CADM2: variants seen among roughly 807,000 people sequenced by gnomAD.
CADM2 encodes the protein cell adhesion molecule 2.
CADM2 carries 12 observed loss-of-function variants against 49.8 expected under a neutral mutation model. That is an observed-to-expected ratio of 0.24 (90% CI 0.15 to 0.39). The LOEUF (loss-of-function observed/expected upper bound fraction) is 0.39, where lower values mean the gene tolerates loss of function less well. Ranked by LOEUF, CADM2 falls within the 10% of genes least tolerant of loss-of-function variation. The pLI is 1.00. For missense variants in CADM2, 378 were observed against 492.3 expected, an observed-to-expected ratio of 0.77 and a Z score of 2.20; for synonymous variants, 214 against 175.4, an observed-to-expected ratio of 1.22 and a Z score of -1.74.
intron 1 of CADM2, among the ~76,000 whole-genome samples, chr3:85,286,252 C>T (rs1236555542): frequency 1.3e-5 from 2 of 152,120 alleles, no homozygotes; most frequent in Non-Finnish European, 2.9e-5. Flanking sequence ...TAACTTCTCT[C>T]AGGGACTATC....
chr3:86,002,109 A>G (rs1455527434), intron 8 of CADM2, among the ~76,000 whole-genome samples: 1 of 152,128 alleles, frequency 6.6e-6, no homozygotes, highest in Non-Finnish European at 1.5e-5. Context: ...CACTTCCTTC[A>G]TGATGTCAAA....
At chr3:84,963,062 A>G (rs2030689999) in intron 1 of CADM2, among the ~76,000 whole-genome samples, 1 of 152,156 alleles carries the variant, frequency 6.6e-6, no homozygotes, top group Non-Finnish European at 1.5e-5. Context: ...TGAATAATAG[A>G]TAGGGAATAA....
intron 1 of CADM2, among the ~76,000 whole-genome samples, chr3:85,160,459 C>T (rs901420843): frequency 3.3e-5 from 5 of 152,172 alleles, no homozygotes; most frequent in African/African-American, 1.2e-4. Flanking sequence ...TGCACACACT[C>T]AGTCCCAAAC....
At chr3:85,324,852 C>T (rs1474541256) in intron 1 of CADM2, among the ~76,000 whole-genome samples, 2 of 152,192 alleles carry the variant, frequency 1.3e-5, no homozygotes, top group African/African-American at 4.8e-5. Context: ...CATCAAATCT[C>T]GCCTTTGAAG....
At chr3:85,327,908 T>A (rs923384794) in intron 1 of CADM2, among the ~76,000 whole-genome samples, 1 of 152,124 alleles carries the variant, frequency 6.6e-6, no homozygotes, top group African/African-American at 2.4e-5. Context: ...GCCCTTCTGA[T>A]CCCTCATACT....
chr3:85,024,111 A>G (rs2034621617), intron 1 of CADM2, among the ~76,000 whole-genome samples: 1 of 152,128 alleles, frequency 6.6e-6, no homozygotes, highest in Non-Finnish European at 1.5e-5. Flanking sequence ...ACAGAACTGG[A>G]GTGCTCTATT....
chr3:85,779,617 C>G (rs1389230025), intron 2 of CADM2, among the ~76,000 whole-genome samples: 1 of 152,096 alleles, frequency 6.6e-6, no homozygotes, highest in African/African-American at 2.4e-5. Context: ...ATGGGGGTAA[C>G]CAACCCCATG....
intron 3 of CADM2, among the ~76,000 whole-genome samples, chr3:85,846,494 T>G (rs1414599485): frequency 6.6e-6 from 1 of 152,168 alleles, no homozygotes; most frequent in African/African-American, 2.4e-5. Context: ...GGAGTCAGGT[T>G]ATTCAGAAAA....
chr3:85,944,870 A>G (rs1722446897), intron 7 of CADM2, among the ~76,000 whole-genome samples: 1 of 152,110 alleles, frequency 6.6e-6, no homozygotes, highest in African/African-American at 2.4e-5. Flanking sequence ...TAAAAGAACT[A>G]GAGAAGCAAG....
At chr3:85,970,806 CT>C (rs1273664773) in intron 8 of CADM2, among the ~76,000 whole-genome samples, 1 of 151,418 alleles carries the variant, frequency 6.6e-6, no homozygotes, top group African/African-American at 2.4e-5. Flanking sequence ...CTACTTTAAT[CT>C]TTGATGAAAT....
chr3:85,543,420 ATGTGTGTGTGTGTGTG>A (rs34654299), intron 1 of CADM2, among the ~76,000 whole-genome samples: 2 of 129,584 alleles, frequency 1.5e-5, no homozygotes, highest in Non-Finnish European at 3.3e-5. Context: ...TGCCAAGCTA[ATGTGTGTGTGTGTGTG>A]TGTGTGTGTG....
intron 8 of CADM2, among the ~76,000 whole-genome samples, chr3:86,030,735 A>G (rs761699784): frequency 6.6e-6 from 1 of 151,968 alleles, no homozygotes; most frequent in Non-Finnish European, 1.5e-5. Context: ...CTGTGAATCT[A>G]GCACAAGGTC....
intron 3 of CADM2, among the ~76,000 whole-genome samples, chr3:85,875,697 A>G (rs1711731527): frequency 6.6e-6 from 1 of 152,166 alleles, no homozygotes; most frequent in Non-Finnish European, 1.5e-5. Context: ...AGCTTTGGAG[A>G]AAGCAATAGG....
intron 1 of CADM2, among the ~76,000 whole-genome samples, chr3:85,474,627 C>A (rs1231074784): frequency 6.6e-6 from 1 of 151,740 alleles, no homozygotes; most frequent in African/African-American, 2.4e-5. Context: ...CCTCAAATTA[C>A]ATGTTTGAAA....
intron 1 of CADM2, among the ~76,000 whole-genome samples, chr3:84,972,062 C>T (rs1356259844): frequency 6.6e-6 from 1 of 152,104 alleles, no homozygotes; most frequent in Non-Finnish European, 1.5e-5. Flanking sequence ...TTGGAAGTGC[C>T]TTACAGCAGT....
chr3:86,018,698 T>G (rs1242337039), intron 8 of CADM2, among the ~76,000 whole-genome samples: 2 of 152,332 alleles, frequency 1.3e-5, no homozygotes, highest in East Asian at 1.9e-4. Context: ...TCTGTTCATG[T>G]CCTTCGCCCA....
chr3:85,945,649 A>G (rs770584805), intron 7 of CADM2, among the ~76,000 whole-genome samples: 12 of 152,192 alleles, frequency 7.9e-5, no homozygotes, highest in Non-Finnish European at 1.3e-4. Context: ...AATGTAATCC[A>G]GCATATAAAC....
At chr3:85,134,631 G>A (rs186801101) in intron 1 of CADM2, among the ~76,000 whole-genome samples, 1 of 152,218 alleles carries the variant, frequency 6.6e-6, no homozygotes, top group African/African-American at 2.4e-5. Flanking sequence ...CAAAATTCAA[G>A]TCTTTTTAAG....
intron 1 of CADM2, among the ~76,000 whole-genome samples, chr3:85,296,314 A>G (rs1267131944): frequency 6.6e-6 from 1 of 152,110 alleles, no homozygotes; most frequent in African/African-American, 2.4e-5. Flanking sequence ...TATGTACTAC[A>G]TATGATTTGT....
Sources: gnomAD v4.1 joint callset for allele counts (sites outside exome capture counted in the v4.1 genomes callset) on GRCh38, gnomAD v4.1.1 for gene constraint, MANE v1.5 for transcripts, NCBI Gene and HGNC (gene_info 2026-07-23, HGNC 2026-07-21) for gene names.